Variants in WDR74 observed in about 807,000 individuals in gnomAD.
WDR74 encodes the protein WD repeat-containing protein 74.
In WDR74, 31 loss-of-function variants were observed where a neutral mutation model predicts 45.6. The observed-to-expected ratio is 0.68, with a 90% CI of 0.51 to 0.92. WDR74 has a LOEUF of 0.92. Ranked by LOEUF, WDR74 falls within the 40% of genes least tolerant of loss-of-function variation. The pLI, the probability that WDR74 is intolerant of heterozygous loss-of-function variation, is 0.00. For missense variants in WDR74, 455 were observed against 497.2 expected, an observed-to-expected ratio of 0.92 and a Z score of 0.81; for synonymous variants, 191 against 192.4, an observed-to-expected ratio of 0.99 and a Z score of 0.06.
upstream of WDR74, chr11:62,841,609 C>G (rs148878432): frequency 3.3e-5 from 5 of 151,254 alleles, no homozygotes; most frequent in Non-Finnish European, 7.4e-5. Context: ...CGGTTGTTCT[C>G]TCCCCGAAGG....
Position 62,833,098 on chromosome 11 carries a change from C to G in WDR74, c.1012G>C (p.Val338Leu). 1 of 1,612,838 alleles carries G rather than the reference C, an allele frequency of 6.2e-7. No homozygotes were observed. The highest frequency in any genetic ancestry group is 8.5e-7 in the Non-Finnish European group (1 of 1,179,542). ...TCTGTCTCTGTGTCTTCTAGGGGCA[C>G]CTTGTTGGGTTCTTGAGGCTCTTGG... ...EPQEPQEPNKVPLEDTETDEL... is the reference protein window; with the variant it reads ...EPQEPQEPNKLPLEDTETDEL... The change falls in exon 11 of 11, where the codon GTG becomes CTG. Residue 338 changes from valine to leucine, a missense_variant. By Grantham distance (32) the Val-to-Leu change is conservative. Transcript: ENST00000278856.
At chr11:62,838,689 C>A (rs369921398) in intron 3 of WDR74, among the ~76,000 whole-genome samples, 4 of 150,258 alleles carry the variant, frequency 2.7e-5, no homozygotes, top group African/African-American at 9.7e-5. Context: ...ACCCGGGAGG[C>A]GGAGGTTGCA....
At chr11:62,837,656 A>G (rs930236129) in intron 3 of WDR74, among the ~76,000 whole-genome samples, 15 of 151,716 alleles carry the variant, frequency 9.9e-5, no homozygotes, top group African/African-American at 3.6e-4. Flanking sequence ...CCCCTTCTCC[A>G]CCAGTCAAAA....
rs115638879 is a variant in WDR74, at chr11:62,837,962, G to A, written c.293+1152C>T. Among the ~76,000 whole-genome samples, 1,425 of 152,220 alleles carry A rather than the reference G, an allele frequency of 9.4e-3. 20 individuals are homozygous for A. The highest frequency in any genetic ancestry group is 0.033 in the African/African-American group (1,356 of 41,526). ...ATAAAAAACTTAAAAATTTAGCTGG[G>A]CAGGGTGACACCTGCCTGTGGTCCC... On this transcript the variant is annotated intron_variant, in intron 3 of 10. Coordinates refer to ENST00000278856, the MANE Select transcript of WDR74 (RefSeq NM_001369450.1).
intron 10 of WDR74, 139 bp downstream of exon 10, chr11:62,833,479 G>C: frequency 9.5e-7 from 1 of 1,049,810 alleles, no homozygotes; most frequent in South Asian, 1.6e-5. Context: ...AACTGTTAAT[G>C]CCTCTCAGAG....
chr11:62,833,790 A>G lies in WDR74; in HGVS notation c.921+2T>C. ...GAGTTGGAGGTGGGAGAGACAACTT[A>G]CCTTATGCTCCAGACCCCGTGGATT... On this transcript the variant is annotated splice_donor_variant, in intron 9 of 10. Transcript: ENST00000278856. LOFTEE classifies it high-confidence loss of function. 6.2e-7 allele frequency: 1 copy of G among 1,613,244 alleles called. No individual in the cohort carries two copies. The highest frequency in any genetic ancestry group is 8.5e-7 in the Non-Finnish European group (1 of 1,179,596).
Position 62,839,386 on chromosome 11 carries a change from C to G in WDR74, c.107G>C (p.Gly36Ala). The change falls in exon 2 of 11, where the codon GGA (glycine) becomes GCA (alanine). Residue 36 changes from glycine to alanine, a missense_variant. Gly to Ala is a moderately conservative substitution (Grantham distance 60). Coordinates refer to ENST00000278856, the MANE Select transcript of WDR74 (RefSeq NM_001369450.1). ...QRKQAANFTAGGQPRREEAVS... is the reference protein window; with the variant it reads ...QRKQAANFTAAGQPRREEAVS... ...TGCCTCCTCGCGCCGCGGCTGTCCTCCGGCCGTGAAGTTCGCCGCCTGTTT... is the reference window on the plus strand; with the variant it reads ...TGCCTCCTCGCGCCGCGGCTGTCCTGCGGCCGTGAAGTTCGCCGCCTGTTT... 6.2e-7 allele frequency: 1 copy of G among 1,612,900 alleles called. No individual in the cohort carries two copies.
chr11:62,841,449 C>A (rs879271113), upstream of WDR74: 1 of 152,234 alleles, frequency 6.6e-6, no homozygotes, highest in Non-Finnish European at 1.5e-5. Context: ...ACGCTCCGTG[C>A]TCAGTTATAA....
intron 8 of WDR74, 74 bp from the exon 9 acceptor site, chr11:62,834,011 A>T: frequency 6.4e-7 from 1 of 1,565,940 alleles, no homozygotes; most frequent in Non-Finnish European, 8.7e-7. Flanking sequence ...TGTTCCAATC[A>T]CTTTCCATTT....
At chr11:62,839,811 CG>C (rs2085021477), upstream of WDR74, 3 of 563,074 alleles carry the variant, frequency 5.3e-6, no homozygotes. Context: ...ACTGCGTGGC[CG>C]GATCAAGCCA....
rs57076192 is a variant in WDR74, at chr11:62,837,518, A to AC, written c.294-1483_294-1482insG. ...TATATAAAAAAAAAACAAAAAACAA[A>AC]AAAAAAAAAACGCTTCCTTGTTATC... On this transcript the variant is annotated intron_variant, in intron 3 of 10. Transcript: ENST00000278856. 4.2e-3 allele frequency among the ~76,000 whole-genome samples: 623 copies of AC among 148,876 alleles called. 3 individuals are homozygous for AC. Among genetic ancestry groups the AC allele is most frequent in the African/African-American group, 0.014 (530 of 38,686 alleles).
upstream of WDR74, among the ~76,000 whole-genome samples, chr11:62,841,379 T>C (rs376470869): frequency 3.3e-5 from 5 of 152,190 alleles, no homozygotes; most frequent in South Asian, 4.2e-4. Flanking sequence ...AAGCGCTCAA[T>C]AGTTCCAACT....
chr11:62,833,972 T>C (rs368457388), intron 8 of WDR74, 35 bp from the exon 9 acceptor site: 1 of 1,607,242 alleles, frequency 6.2e-7, no homozygotes, highest in Non-Finnish European at 8.5e-7. Context: ...GATAACTGGC[T>C]GGCCAATAAC....
chr11:62,838,795 A>G (rs556774583), intron 3 of WDR74, among the ~76,000 whole-genome samples: 1 of 151,754 alleles, frequency 6.6e-6, no homozygotes, highest in Non-Finnish European at 1.5e-5. Context: ...ACACACACAC[A>G]CACAAAACTA....
intron 10 of WDR74, 32 bp from the exon 11 acceptor site, chr11:62,833,163 G>C (rs765672080): frequency 6.2e-7 from 1 of 1,606,556 alleles, no homozygotes; most frequent in Admixed American, 1.7e-5. Flanking sequence ...TAGGAGTCAG[G>C]GGGGCCGGGC....
intron 3 of WDR74, among the ~76,000 whole-genome samples, chr11:62,838,746 G>A (rs1464997075): frequency 7.2e-6 from 1 of 139,422 alleles, no homozygotes; most frequent in South Asian, 2.2e-4. Context: ...CAACAAGAGC[G>A]AAAACTCCGT....
intron 10 of WDR74, 138 bp downstream of exon 10, chr11:62,833,480 C>A: frequency 9.4e-7 from 1 of 1,058,282 alleles, no homozygotes. Flanking sequence ...ACTGTTAATG[C>A]CTCTCAGAGA....
chr11:62,836,572 C>T (rs750315338), intron 3 of WDR74: 1 of 161,754 alleles, frequency 6.2e-6, no homozygotes, highest in Non-Finnish European at 1.4e-5. Flanking sequence ...TAAAATATCC[C>T]TCCCGAGAAG....
At position 62,833,887 on chromosome 11, in the gene WDR74, G is replaced by C. The variant is rs1355066836; in HGVS notation, c.826C>G (p.Gln276Glu). ...AGTAGAGGCTTTGAAGGGTGGCACT[G>C]CAACCCACGCACACTGCCTGCCAGC... ...KGLAGSVRGLQCHPSKPLLAS... is the reference protein window; with the variant it reads ...KGLAGSVRGLECHPSKPLLAS... The change falls in exon 9 of 11, where the codon CAG (glutamine) becomes GAG (glutamate). Residue 276 changes from glutamine to glutamate, a missense_variant. Gln to Glu is a conservative substitution (Grantham distance 29, BLOSUM62 2). Transcript: ENST00000278856. 7.4e-6 allele frequency: 12 copies of C among 1,613,858 alleles called. No individual in the cohort carries two copies. In the Admixed American group the frequency reaches 1.8e-4, roughly 25 times the overall value.
Sources: gnomAD v4.1 joint callset for allele counts (sites outside exome capture counted in the v4.1 genomes callset) on GRCh38, gnomAD v4.1.1 for gene constraint, MANE v1.5 for transcripts, NCBI Gene and HGNC (gene_info 2026-07-23, HGNC 2026-07-21) for gene names.